Variants in CERS6 observed in about 807,000 individuals in gnomAD.
The protein encoded by CERS6 is ceramide synthase 6.
Under a neutral mutation model 56.8 loss-of-function variants are expected in CERS6, and 26 were observed. That is an observed-to-expected ratio of 0.46 (90% CI 0.34 to 0.63). The LOEUF is 0.63. CERS6 is among the 30% of genes least tolerant of loss of function. The pLI is 0.01. For missense variants in CERS6, 415 were observed against 467.5 expected (o/e 0.89, Z 1.04); for synonymous variants, 164 against 173.3 (o/e 0.95, Z 0.42).
chr2:168,673,644 A>G (rs2042549), intron 4 of CERS6, among the ~76,000 whole-genome samples: 117,164 of 152,134 alleles, frequency 0.77, 47,522 homozygotes, highest in South Asian at 0.9. Context: ...CTAATGGCAG[A>G]CTAAGGCCTG....
rs139280252 is a variant in CERS6, at chr2:168,726,250, C to T, written c.845+8272C>T. 7.2e-3 allele frequency among the ~76,000 whole-genome samples: 1,094 copies of T among 152,252 alleles called. 11 individuals carry two copies. The highest frequency in any genetic ancestry group is 0.025 in the African/African-American group (1,023 of 41,542). On this transcript the variant is annotated intron_variant, in intron 8 of 9. Transcript: ENST00000305747. The stretch of plus-strand genomic sequence containing the variant: ...GAGATTCAATTAGTCAGTGATTCAC[C>T]GGGCTCTCTGGACTCTGGTCTCCTA...
chr2:168,719,444 G>C (rs1296084913), intron 8 of CERS6, among the ~76,000 whole-genome samples: 1 of 152,194 alleles, frequency 6.6e-6, no homozygotes. Flanking sequence ...AGGTGTAATG[G>C]AGGTAGATCA....
intron 3 of CERS6, among the ~76,000 whole-genome samples, chr2:168,620,475 A>G (rs1684443244): frequency 2.0e-5 from 3 of 152,214 alleles, no homozygotes; most frequent in African/African-American, 7.2e-5. Context: ...TTCTTAGCCA[A>G]CTAGGACCCA....
intron 3 of CERS6, among the ~76,000 whole-genome samples, chr2:168,585,830 C>T (rs1466664911): frequency 6.6e-6 from 1 of 152,192 alleles, no homozygotes; most frequent in Admixed American, 6.5e-5. Context: ...GCCACGTCTC[C>T]CTGTGTGACA....
At chr2:168,544,508 G>C (rs1325955154) in intron 1 of CERS6, among the ~76,000 whole-genome samples, 1 of 152,156 alleles carries the variant, frequency 6.6e-6, no homozygotes, top group Non-Finnish European at 1.5e-5. Flanking sequence ...ACACAGGAGA[G>C]GGATGCACCT....
At chr2:168,735,718 AT>A (rs542030696) in intron 8 of CERS6, among the ~76,000 whole-genome samples, 43 of 148,590 alleles carry the variant, frequency 2.9e-4, no homozygotes, top group Non-Finnish European at 3.0e-4. Context: ...TCTACTAAAA[AT>A]TTAAAAAAAA....
intron 3 of CERS6, among the ~76,000 whole-genome samples, chr2:168,629,619 A>G (rs1684666131): frequency 6.6e-6 from 1 of 152,174 alleles, no homozygotes; most frequent in South Asian, 2.1e-4. Flanking sequence ...ACAACTATTA[A>G]GAATTTCAAG....
chr2:168,558,643 G>A (rs6707896), intron 2 of CERS6, among the ~76,000 whole-genome samples: 142,712 of 152,172 alleles, frequency 0.94, 66,987 homozygotes, highest in East Asian at 1. Flanking sequence ...GCCAAGGCGG[G>A]TGGATCACAA....
At chr2:168,497,579 G>A (rs1051549914) in intron 1 of CERS6, among the ~76,000 whole-genome samples, 10 of 152,188 alleles carry the variant, frequency 6.6e-5, no homozygotes, top group African/African-American at 2.4e-4. Context: ...TAAGTGCAGT[G>A]GCCCCATGGC....
intron 1 of CERS6, among the ~76,000 whole-genome samples, chr2:168,501,047 C>T (rs1694571223): frequency 6.6e-6 from 1 of 152,176 alleles, no homozygotes; most frequent in South Asian, 2.1e-4. Context: ...AATTCCTAAA[C>T]CTGAAACACC....
At chr2:168,570,125 A>G (rs928947850) in intron 3 of CERS6, among the ~76,000 whole-genome samples, 2 of 152,186 alleles carry the variant, frequency 1.3e-5, no homozygotes, top group African/African-American at 4.8e-5. Context: ...AGATCCAAGA[A>G]GATGCAAGGA....
At chr2:168,545,665 A>G (rs570863376) in intron 1 of CERS6, among the ~76,000 whole-genome samples, 5 of 152,256 alleles carry the variant, frequency 3.3e-5, no homozygotes, top group Non-Finnish European at 7.3e-5. Context: ...TGATAGCAAC[A>G]ACAAAACATA....
intron 1 of CERS6, among the ~76,000 whole-genome samples, chr2:168,534,328 T>A (rs1304088759): frequency 6.6e-6 from 1 of 152,120 alleles, no homozygotes; most frequent in Non-Finnish European, 1.5e-5. Flanking sequence ...TGTTTTTTCC[T>A]TGATTCTTTT....
chr2:168,624,831 TATCTC>T (rs1485660636), intron 3 of CERS6, among the ~76,000 whole-genome samples: 1 of 152,198 alleles, frequency 6.6e-6, no homozygotes, highest in Non-Finnish European at 1.5e-5. Context: ...GCTTTGTTCA[TATCTC>T]ATGAAAGCTC....
intron 6 of CERS6, among the ~76,000 whole-genome samples, chr2:168,695,281 A>G (rs907674044): frequency 6.6e-6 from 1 of 152,098 alleles, no homozygotes; most frequent in Non-Finnish European, 1.5e-5. Context: ...TCTCCATGTA[A>G]TAATGTAGCA....
chr2:168,656,553 A>AGAC (rs1345530703), intron 4 of CERS6, among the ~76,000 whole-genome samples: 12 of 151,566 alleles, frequency 7.9e-5, no homozygotes, highest in African/African-American at 2.7e-4. Flanking sequence ...ACAGCTCTTA[A>AGAC]GGTAGCGCGT....
chr2:168,728,737 G>A lies in CERS6; in HGVS notation c.845+10759G>A, dbSNP rs145495198. Among the ~76,000 whole-genome samples, 803 of 151,962 alleles carry A rather than the reference G, an allele frequency of 5.3e-3. 4 individuals are homozygous for A. Among genetic ancestry groups the A allele is most frequent in the African/African-American group, 0.018 (738 of 41,446 alleles). The stretch of plus-strand genomic sequence containing the variant: ...TGCATTGTCGCCGGCCAGTCGCAGT[G>A]GCTCATGTCTGTAATCCCAGCACTT... On this transcript the variant is annotated intron_variant, in intron 8 of 9. Coordinates refer to ENST00000305747, the MANE Select transcript of CERS6 (RefSeq NM_203463.3).
At chr2:168,487,645 T>C (rs1488563303) in intron 1 of CERS6, among the ~76,000 whole-genome samples, 1 of 152,250 alleles carries the variant, frequency 6.6e-6, no homozygotes, top group African/African-American at 2.4e-5. Flanking sequence ...TCTGAAAATA[T>C]ATTTTTTTCT....
At chr2:168,768,970 C>T (rs974937720) in intron 9 of CERS6, among the ~76,000 whole-genome samples, 1 of 144,268 alleles carries the variant, frequency 6.9e-6, no homozygotes, top group African/African-American at 2.6e-5. Context: ...GTGTGACATA[C>T]AGAACAAAAT....
Sources: gnomAD v4.1 joint callset for allele counts (sites outside exome capture counted in the v4.1 genomes callset) on GRCh38, gnomAD v4.1.1 for gene constraint, MANE v1.5 for transcripts, NCBI Gene and HGNC (gene_info 2026-07-23, HGNC 2026-07-21) for gene names.